The following HMG20B variants were observed in gnomAD, a reference collection of about 807,000 sequenced individuals.
The protein encoded by HMG20B is high mobility group 20B.
A neutral mutation model predicts 41.6 loss-of-function variants in HMG20B; 24 were observed. The ratio of observed to expected loss-of-function variants is 0.58; its 90% CI spans 0.42 to 0.81. HMG20B has a LOEUF of 0.81. Among genes scored for constraint, HMG20B ranks in the 30% least tolerant of loss-of-function variants. The probability of loss-of-function intolerance (pLI) is 0.00; values close to 1 mark genes in which losing one functional copy is unlikely to be tolerated. For synonymous variants in HMG20B, 251 were observed against 186.6 expected, an observed-to-expected ratio of 1.34 and a Z score of -2.81; for missense variants, 461 against 444.0, an observed-to-expected ratio of 1.04 and a Z score of -0.34.
intron 1 of HMG20B, 143 bp downstream of exon 1, chr19:3,573,137 G>T: frequency 1.8e-6 from 1 of 563,738 alleles, no homozygotes; most frequent in Non-Finnish European, 3.0e-6. Context: ...GATTCTTGGG[G>T]CGCCCGCCCT....
intron 3 of HMG20B, 153 bp downstream of exon 3, chr19:3,573,953 CCT>C (rs1398520147): frequency 5.3e-6 from 4 of 750,812 alleles, no homozygotes; most frequent in Non-Finnish European, 9.3e-6. Flanking sequence ...CTGCCACGCC[CCT>C]GACAGGTCCT....
intron 4 of HMG20B, among the ~76,000 whole-genome samples, chr19:3,575,160 T>C (rs906151124): frequency 6.6e-6 from 1 of 152,130 alleles, no homozygotes; most frequent in African/African-American, 2.4e-5. Context: ...AGTTTAAAAA[T>C]TGCAAAAACA....
At chr19:3,574,305 T>C (rs752426097) in intron 3 of HMG20B, 78 bp from the exon 4 acceptor site, 1 of 1,181,018 alleles carries the variant, frequency 8.5e-7, no homozygotes, top group South Asian at 1.4e-5. Flanking sequence ...CCATACGCGT[T>C]AGGCCCCGCC....
intron 4 of HMG20B, 67 bp downstream of exon 4, chr19:3,574,653 C>T (rs2032119999): frequency 2.2e-6 from 3 of 1,392,166 alleles, no homozygotes; most frequent in Non-Finnish European, 1.9e-6. Flanking sequence ...AGCCCCGACC[C>T]CCAAAGGATT....
At chr19:3,576,859 G>A (rs765208748) in intron 7 of HMG20B, 33 bp from the exon 8 acceptor site, 1 of 1,549,166 alleles carries the variant, frequency 6.5e-7, no homozygotes. Flanking sequence ...GAAAGGGGAG[G>A]CGCAGGCTTT....
At position 3,577,948 on chromosome 19, in the gene HMG20B, CA is replaced by C. The variant is rs745644583; in HGVS notation, c.809-32del. 2.6e-6 allele frequency: 4 copies of C among 1,547,080 alleles called. No homozygotes were observed. The Admixed American group carries it at 7.7e-5, about 30-fold the overall frequency. ...GAGCCCCCGCCCCGCGACTCCCCGG[CA>C]CCCTCGCCTGACCTTCCCGCCTGTC... On this transcript the variant is annotated intron_variant, in intron 8 of 9. Coordinates refer to ENST00000333651, the MANE Select transcript of HMG20B (RefSeq NM_006339.3).
intron 5 of HMG20B, 61 bp from the exon 6 acceptor site, chr19:3,576,200 G>A (rs531866633): frequency 6.7e-7 from 1 of 1,490,968 alleles, no homozygotes; most frequent in Admixed American, 1.7e-5. Flanking sequence ...CTGACCTAGG[G>A]TGCAGGGCGT....
At position 3,578,770 on chromosome 19, in the gene HMG20B, C is replaced by A; in HGVS notation, c.*249C>A. 1.3e-6 allele frequency: 1 copy of A among 748,354 alleles called. No homozygotes were observed. The highest frequency in any genetic ancestry group is 2.4e-6 in the Non-Finnish European group (1 of 413,920). The allele number at this position is 748,354 out of a possible 1,614,324, so 46.4% of individuals were successfully genotyped here. ...AAGAACCTCACAGCCGAGGGTGCCC[C>A]TCCTCGGAGGACAGCCACGCGCTAC... is the stretch of plus-strand genomic sequence containing the variant. On this transcript the variant is annotated 3_prime_UTR_variant, in exon 10 of 10. Transcript: ENST00000333651.
chr19:3,574,257 G>A (rs1048655811), intron 3 of HMG20B, 126 bp from the exon 4 acceptor site: 19 of 871,402 alleles, frequency 2.2e-5, no homozygotes, highest in East Asian at 5.3e-5. Flanking sequence ...ATCTTTTCCG[G>A]GTTCTTCCTC....
chr19:3,577,884 G>T, intron 8 of HMG20B, 97 bp from the exon 9 acceptor site: 1 of 1,171,810 alleles, frequency 8.5e-7, no homozygotes, highest in Non-Finnish European at 1.2e-6. Flanking sequence ...CTGAGCGCCC[G>T]CGCGACCCGC....
Position 3,576,628 on chromosome 19 carries a change from G to T in HMG20B, c.592+3G>T. The T allele has an allele frequency of 6.2e-7, 1 of 1,611,976 alleles. No individual in the cohort carries two copies. Among genetic ancestry groups the T allele is most frequent in the Non-Finnish European group, 8.5e-7 (1 of 1,178,670 alleles). ...AGAGTTCTTGGACCAAAACAAAGGT[G>T]AGCGGTAACTGCGCTCCTGATGCGA... On this transcript the variant is annotated splice_donor_region_variant and intron_variant, in intron 7 of 9. Coordinates refer to ENST00000333651, the MANE Select transcript of HMG20B (RefSeq NM_006339.3).
chr19:3,577,085 C>G lies in HMG20B; in HGVS notation c.786C>G (p.Ser262Arg), dbSNP rs1365463133. The G allele has an allele frequency of 6.5e-7, 1 of 1,537,982 alleles. No homozygotes were observed. The highest frequency in any genetic ancestry group is 8.7e-7 in the Non-Finnish European group (1 of 1,144,540). ...LQAVRQALTASFASLPVPGTG... is the reference protein window; with the variant it reads ...LQAVRQALTARFASLPVPGTG... ...CCGTGCGCCAGGCGCTCACCGCCAGCTTCGCCTCACTGCCGGTGCCGGGTG... is the reference window on the plus strand; with the variant it reads ...CCGTGCGCCAGGCGCTCACCGCCAGGTTCGCCTCACTGCCGGTGCCGGGTG... Residue 262 changes from serine (S) to arginine (R), a missense_variant, in exon 8 of 10, where the codon AGC becomes AGG. By Grantham distance (110) the Ser-to-Arg change is moderately radical. This residue lies in a region of HMG20B where 308 missense variants were observed against 283.4 expected (regional missense o/e 1.09). Coordinates refer to ENST00000333651, the MANE Select transcript of HMG20B (RefSeq NM_006339.3).
At chr19:3,573,217 G>A in intron 1 of HMG20B, 75 bp from the exon 2 acceptor site, 1 of 1,262,952 alleles carries the variant, frequency 7.9e-7, no homozygotes, top group Admixed American at 2.7e-5. Context: ...GCTCTCCATC[G>A]CGGGGTACCC....
At chr19:3,576,668 G>A (rs1401411138) in intron 7 of HMG20B, 43 bp downstream of exon 7, 7 of 1,557,426 alleles carry the variant, frequency 4.5e-6, no homozygotes, top group Admixed American at 1.8e-5. Context: ...CGTGAAACTG[G>A]GTGGTAGAGG....
At chr19:3,577,958 T>C in intron 8 of HMG20B, 23 bp from the exon 9 acceptor site, 1 of 1,564,924 alleles carries the variant, frequency 6.4e-7, no homozygotes, top group Non-Finnish European at 8.6e-7. Flanking sequence ...CACCCTCGCC[T>C]GACCTTCCCG....
intron 5 of HMG20B, 56 bp from the exon 6 acceptor site, chr19:3,576,205 G>A: frequency 6.5e-7 from 1 of 1,539,922 alleles, no homozygotes; most frequent in East Asian, 2.2e-5. Flanking sequence ...CTAGGGTGCA[G>A]GGCGTGGTCC....
rs1440419351 is a variant in HMG20B, at chr19:3,579,034, C to G, written c.*513C>G. On this transcript the variant is annotated 3_prime_UTR_variant, in exon 10 of 10. Coordinates refer to ENST00000333651, the MANE Select transcript of HMG20B (RefSeq NM_006339.3). The surrounding 1 kb of genome is among the most constrained non-coding windows in gnomAD (Gnocchi z 7.4). ...CCCTGGTGGGGGTGGCTCCTTCTCA[C>G]TGCTGGATCCGGACTTTTTAAATAA... The G allele has an allele frequency of 8.7e-6, 3 of 344,868 alleles. No homozygotes were observed. Among genetic ancestry groups the G allele is most frequent in the Non-Finnish European group, 1.7e-5 (3 of 173,476 alleles). The allele number at this position is 344,868 out of a possible 1,614,324, so 21.4% of individuals were successfully genotyped here.
chr19:3,573,006 C>T lies in HMG20B; in HGVS notation c.-19+12C>T. On this transcript the variant is annotated intron_variant, in intron 1 of 9. Transcript: ENST00000333651. ...AAGTTTCTTTGGAGGTGAAAACAGC[C>T]GCGGAACTCCGGGCCCTGAGAGGGG... The T allele has an allele frequency of 2.7e-6, 1 of 373,882 alleles. No individual in the cohort carries two copies. The highest frequency in any genetic ancestry group is 4.8e-6 in the Non-Finnish European group (1 of 207,232). The allele number at this position is 373,882 out of a possible 1,614,324, so 23.2% of individuals were successfully genotyped here.
Position 3,578,587 on chromosome 19 carries a change from G to A in HMG20B, c.*66G>A. 6.5e-7 allele frequency: 1 copy of A among 1,547,378 alleles called. No individual in the cohort carries two copies. The highest frequency in any genetic ancestry group is 8.7e-7 in the Non-Finnish European group (1 of 1,144,042). On this transcript the variant is annotated 3_prime_UTR_variant, in exon 10 of 10. Coordinates refer to ENST00000333651, the MANE Select transcript of HMG20B (RefSeq NM_006339.3). ...GCGGCCCTGCCACACCCCACCCCGTGGACGAGAGGCTGGGGGTCCACCCTT... is the reference window on the plus strand; with the variant it reads ...GCGGCCCTGCCACACCCCACCCCGTAGACGAGAGGCTGGGGGTCCACCCTT...
Sources: allele counts gnomAD v4.1 joint callset (sites outside exome capture counted in the v4.1 genomes callset), GRCh38; gene constraint gnomAD v4.1.1; regional missense constraint gnomAD v4.1.1; non-coding constraint Gnocchi (gnomAD v3.1); transcripts MANE v1.5; gene names NCBI Gene and HGNC (gene_info 2026-07-23, HGNC 2026-07-21).